The following MTA3 variants were observed in gnomAD, a reference collection of about 807,000 sequenced individuals.
The protein encoded by MTA3 is metastasis-associated protein MTA3.
In MTA3, 34 loss-of-function variants were observed where a neutral mutation model predicts 83.5. The ratio of observed to expected loss-of-function variants is 0.41; its 90% CI spans 0.31 to 0.54. The LOEUF (loss-of-function observed/expected upper bound fraction) is 0.54. MTA3 is among the 20% of genes least tolerant of loss of function. MTA3 has a pLI of 0.33. For missense variants in MTA3, 761 were observed against 726.4 expected, an observed-to-expected ratio of 1.05 and a Z score of -0.55; for synonymous variants, 303 against 252.7, an observed-to-expected ratio of 1.20 and a Z score of -1.89.
intron 2 of MTA3, among the ~76,000 whole-genome samples, chr2:42,549,458 T>C (rs1307109716): frequency 2.1e-5 from 2 of 94,344 alleles, no homozygotes; most frequent in Non-Finnish European, 3.7e-5. Flanking sequence ...TAATATATTA[T>C]ATATACATAT....
chr2:42,719,097 A>G (rs1349751489), intron 15 of MTA3, 23 bp downstream of exon 15: 4 of 1,506,462 alleles, frequency 2.7e-6, no homozygotes, highest in Non-Finnish European at 3.6e-6. Context: ...TAATAGAGGA[A>G]AAACTCAAAG....
At chr2:42,501,732 C>T (rs1674403236) in intron 2 of MTA3, among the ~76,000 whole-genome samples, 1 of 152,160 alleles carries the variant, frequency 6.6e-6, no homozygotes, top group Admixed American at 6.5e-5. Context: ...AATTCCAGCA[C>T]TTTGGGAGGC....
chr2:42,609,719 A>G, intron 4 of MTA3, 135 bp downstream of exon 4: 1 of 1,017,866 alleles, frequency 9.8e-7, no homozygotes, highest in Non-Finnish European at 1.4e-6. Context: ...ATGGAATTTT[A>G]GGTTGGAAAT....
intron 2 of MTA3, among the ~76,000 whole-genome samples, chr2:42,522,767 A>G (rs1200029011): frequency 6.6e-6 from 1 of 150,882 alleles, no homozygotes; most frequent in African/African-American, 2.4e-5. Flanking sequence ...GGAAGGAAGG[A>G]AGGAGGGAGG....
chr2:42,719,205 A>T, intron 15 of MTA3, 131 bp downstream of exon 15: 1 of 617,674 alleles, frequency 1.6e-6, no homozygotes, highest in Non-Finnish European at 2.8e-6. Context: ...ACCTTTATAT[A>T]GTCAGTTTAT....
intron 2 of MTA3, among the ~76,000 whole-genome samples, chr2:42,529,394 T>C (rs951691043): frequency 6.6e-6 from 1 of 152,150 alleles, no homozygotes; most frequent in Non-Finnish European, 1.5e-5. Flanking sequence ...CTGGTCTTGG[T>C]CCATCATGCT....
intron 4 of MTA3, among the ~76,000 whole-genome samples, chr2:42,619,649 T>C (rs1468387042): frequency 1.3e-5 from 2 of 152,200 alleles, no homozygotes; most frequent in Non-Finnish European, 2.9e-5. Flanking sequence ...TGTGTGTATG[T>C]ATAAATTGAG....
chr2:42,684,425 G>A (rs1457910254), intron 9 of MTA3, among the ~76,000 whole-genome samples: 1 of 152,138 alleles, frequency 6.6e-6, no homozygotes, highest in Admixed American at 6.6e-5. Flanking sequence ...CTGATAATTT[G>A]TTCTTCTGGC....
At chr2:42,536,046 G>A (rs770536094) in intron 2 of MTA3, among the ~76,000 whole-genome samples, 1 of 151,936 alleles carries the variant, frequency 6.6e-6, no homozygotes, top group Non-Finnish European at 1.5e-5. Context: ...CTTGAGTCTG[G>A]GAGTTCGAGG....
chr2:42,519,307 T>TA (rs1289855910), intron 2 of MTA3, among the ~76,000 whole-genome samples: 9 of 152,050 alleles, frequency 5.9e-5, no homozygotes, highest in Admixed American at 1.3e-4. Flanking sequence ...TCAAGGTTAT[T>TA]AAAAAAACAA....
chr2:42,664,615 G>T (rs1481675007), intron 8 of MTA3, among the ~76,000 whole-genome samples: 1 of 151,696 alleles, frequency 6.6e-6, no homozygotes, highest in Non-Finnish European at 1.5e-5. Context: ...GCCAGTAGCT[G>T]AGATTACAGG....
At chr2:42,705,547 A>T (rs1025201292) in intron 12 of MTA3, among the ~76,000 whole-genome samples, 1 of 152,148 alleles carries the variant, frequency 6.6e-6, no homozygotes, top group Non-Finnish European at 1.5e-5. Flanking sequence ...TCTACTAAAA[A>T]TACCAAAAAT....
intron 2 of MTA3, among the ~76,000 whole-genome samples, chr2:42,556,045 C>T (rs1677373681): frequency 6.6e-6 from 1 of 151,740 alleles, no homozygotes; most frequent in Non-Finnish European, 1.5e-5. Flanking sequence ...GCATTCCAGC[C>T]TGGGCGACAG....
At chr2:42,596,428 G>A (rs1445167291) in intron 3 of MTA3, among the ~76,000 whole-genome samples, 1 of 152,124 alleles carries the variant, frequency 6.6e-6, no homozygotes, top group African/African-American at 2.4e-5. Flanking sequence ...GCTATTTTAT[G>A]GAGTTTTTAT....
In MTA3 at chr2:42,682,751, A is replaced by C. The variant is rs979714285; in HGVS notation, c.891+162A>C. ...AGTCTTGTAAAGGGAGAAACTGATAATTGTTTGGAGGAGTAGTTGTAGTAA... is the reference window on the plus strand; with the variant it reads ...AGTCTTGTAAAGGGAGAAACTGATACTTGTTTGGAGGAGTAGTTGTAGTAA... On this transcript the variant is annotated intron_variant, in intron 9 of 16. Coordinates refer to ENST00000405094, the MANE Select transcript of MTA3 (RefSeq NM_001330442.2). 42 of 675,380 alleles carry C rather than the reference A, an allele frequency of 6.2e-5. No homozygotes were observed. The African/African-American group carries it at 7.2e-4, about 12-fold the overall frequency. 41.8% of individuals were successfully genotyped at this position (675,380 alleles called of 1,614,324 possible).
intron 10 of MTA3, 67 bp from the exon 11 acceptor site, chr2:42,697,709 T>A (rs1042935259): frequency 9.0e-7 from 1 of 1,107,374 alleles, no homozygotes; most frequent in Non-Finnish European, 1.3e-6. Flanking sequence ...TGTGAATTTT[T>A]AAGACAATGA....
At chr2:42,614,313 T>G (rs949822117) in intron 4 of MTA3, 1 of 152,164 alleles carries the variant, frequency 6.6e-6, no homozygotes, top group Non-Finnish European at 1.5e-5. Context: ...GTCAGGCTAG[T>G]CTGAAACTCC....
chr2:42,606,827 C>T (rs1373835350), intron 3 of MTA3, among the ~76,000 whole-genome samples: 1 of 149,612 alleles, frequency 6.7e-6, no homozygotes, highest in South Asian at 2.2e-4. Context: ...TCTGCAATCC[C>T]GGCACCTCGG....
intron 2 of MTA3, among the ~76,000 whole-genome samples, chr2:42,497,255 G>T (rs958168285): frequency 2.0e-5 from 3 of 151,838 alleles, no homozygotes; most frequent in African/African-American, 7.3e-5. Flanking sequence ...CCTAAAAGGA[G>T]TATATAAAAG....
Sources: allele counts gnomAD v4.1 joint callset (sites outside exome capture counted in the v4.1 genomes callset), GRCh38; gene constraint gnomAD v4.1.1; transcripts MANE v1.5; gene names NCBI Gene and HGNC (gene_info 2026-07-23, HGNC 2026-07-21).